Variants in AGFG1 observed in about 807,000 individuals in gnomAD.
The protein encoded by AGFG1 is ArfGAP with FG repeats 1.
A neutral mutation model predicts 60.6 loss-of-function variants in AGFG1; 10 were observed. The observed-to-expected ratio is 0.16, with a 90% CI of 0.10 to 0.28. The LOEUF is 0.28. Ranked by LOEUF, AGFG1 falls within the 10% of genes least tolerant of loss-of-function variation. The pLI is 1.00. For missense variants in AGFG1, 537 were observed against 676.5 expected, an observed-to-expected ratio of 0.79 and a Z score of 2.29; for synonymous variants, 247 against 242.9, an observed-to-expected ratio of 1.02 and a Z score of -0.16.
intron 1 of AGFG1, among the ~76,000 whole-genome samples, chr2:227,489,370 C>T (rs189571645): frequency 1.2e-3 from 183 of 150,820 alleles, no homozygotes; most frequent in African/African-American, 3.9e-3. Context: ...AGCTGGCAAG[C>T]GCCACCACAC....
rs374189435 is a variant in AGFG1, at chr2:227,523,772, G to A, written c.387G>A (p.Pro129=). The A allele has an allele frequency of 4.3e-6, 7 of 1,610,068 alleles. No individual in the cohort carries two copies. The highest frequency in any genetic ancestry group is 4.0e-5 in the African/African-American group (3 of 74,728). ...TTTTTACATGTTTTAGGTATGTCCC[G>A]CCAGAACAAGCCAAAGTCGTGGCAT... ...EKYEKKRWYV[P]PEQAKVVASV... is the part of the protein sequence containing the mutation. Residue 129 remains proline (P), a synonymous_variant, in exon 4 of 13, where the codon CCG becomes CCA. Coordinates refer to ENST00000310078, the MANE Select transcript of AGFG1 (RefSeq NM_004504.5).
In AGFG1 at chr2:227,490,816, G is replaced by A. The variant is rs146762199; in HGVS notation, c.168-731G>A. ...CATTTCCACTCGGTTTTTCATGTGC[G>A]TGTTCAAACATCAAGGTAAAGTCCT... On this transcript the variant is annotated intron_variant, in intron 1 of 12. Coordinates refer to ENST00000310078, the MANE Select transcript of AGFG1 (RefSeq NM_004504.5). 1.5e-3 allele frequency among the ~76,000 whole-genome samples: 225 copies of A among 152,214 alleles called. 3 individuals are homozygous for A. The highest frequency in any genetic ancestry group is 5.1e-3 in the African/African-American group (210 of 41,506).
intron 3 of AGFG1, among the ~76,000 whole-genome samples, chr2:227,521,429 C>T (rs935750461): frequency 2.6e-5 from 4 of 152,106 alleles, no homozygotes; most frequent in Non-Finnish European, 1.5e-5. Flanking sequence ...TACTAGAAGA[C>T]ATCAAGTATG....
At chr2:227,485,428 A>G (rs540545935) in intron 1 of AGFG1, among the ~76,000 whole-genome samples, 1 of 145,524 alleles carries the variant, frequency 6.9e-6, no homozygotes, top group East Asian at 2.0e-4. Flanking sequence ...TTTTTCCAGT[A>G]GAGATGGGGT....
chr2:227,492,123 G>C (rs1334810656), intron 2 of AGFG1, among the ~76,000 whole-genome samples: 1 of 152,112 alleles, frequency 6.6e-6, no homozygotes, highest in Non-Finnish European at 1.5e-5. Flanking sequence ...CTCAGTGGCA[G>C]CTAAGTGTCA....
rs762811492 is a variant in AGFG1, at chr2:227,552,020, C to T, written c.1440C>T (p.Tyr480=). 3 of 1,614,210 alleles carry T rather than the reference C, an allele frequency of 1.9e-6. No individual in the cohort carries two copies. Among genetic ancestry groups the T allele is most frequent in the Non-Finnish European group, 2.5e-6 (3 of 1,180,032 alleles). ...CAGGATTCGGCACTCCTGCTCCCTA[C>T]AGTCTTCCCACCAGCTTTAGTGGCA... ...MPTGFGTPAP[Y]SLPTSFSGSF... The change falls in exon 11 of 13, where the codon TAC becomes TAT. Residue 480 remains tyrosine, a synonymous_variant. Transcript: ENST00000310078.
chr2:227,543,432 C>T (rs932205390), intron 10 of AGFG1, among the ~76,000 whole-genome samples: 2 of 152,126 alleles, frequency 1.3e-5, no homozygotes, highest in African/African-American at 2.4e-5. Context: ...CATTCAGGAG[C>T]AGGTTGTTCA....
At chr2:227,472,633 G>A (rs753849515) in intron 1 of AGFG1, 45 bp downstream of exon 1, 77 of 1,539,352 alleles carry the variant, frequency 5.0e-5, no homozygotes, top group Non-Finnish European at 6.3e-5. Flanking sequence ...TTCCCGGGAG[G>A]TGGGGGAGCG....
chr2:227,530,496 C>G (rs1370941464), intron 5 of AGFG1, among the ~76,000 whole-genome samples: 1 of 151,894 alleles, frequency 6.6e-6, no homozygotes, highest in Admixed American at 6.6e-5. Flanking sequence ...TTCATTGTTT[C>G]TTAAATTTTA....
At chr2:227,534,490 C>T (rs140415854) in intron 7 of AGFG1, among the ~76,000 whole-genome samples, 2 of 152,234 alleles carry the variant, frequency 1.3e-5, no homozygotes, top group African/African-American at 4.8e-5. Flanking sequence ...ATAGACTGTT[C>T]ACATTAGGTC....
At chr2:227,495,617 G>A (rs1690949521) in intron 2 of AGFG1, among the ~76,000 whole-genome samples, 2 of 151,858 alleles carry the variant, frequency 1.3e-5, no homozygotes, top group African/African-American at 4.8e-5. Flanking sequence ...GCAAATTATG[G>A]TTTTCTAGTT....
intron 3 of AGFG1, among the ~76,000 whole-genome samples, chr2:227,522,289 G>C (rs990774037): frequency 6.6e-6 from 1 of 152,204 alleles, no homozygotes; most frequent in Non-Finnish European, 1.5e-5. Flanking sequence ...ACTTTGCCAG[G>C]TGAGTCTTTT....
intron 1 of AGFG1, among the ~76,000 whole-genome samples, chr2:227,486,555 C>T (rs1030106771): frequency 1.3e-5 from 2 of 151,944 alleles, no homozygotes; most frequent in Non-Finnish European, 2.9e-5. Context: ...TGGACACTTT[C>T]CTTAGTCTGT....
rs751014599 is a variant in AGFG1 at position 227,524,842 on chromosome 2, C to G, written c.621C>G (p.Ile207Met). 3.1e-6 allele frequency: 5 copies of G among 1,614,040 alleles called. No individual in the cohort carries two copies. In the African/African-American group the frequency reaches 6.7e-5, roughly 22 times the overall value. The change falls in exon 5 of 13, where the codon ATC becomes ATG. Residue 207 changes from isoleucine to methionine, a missense_variant. Ile to Met is a conservative substitution (Grantham distance 10). This residue lies in a region of AGFG1 where 102 missense variants were observed against 82.9 expected (regional missense o/e 1.23). Coordinates refer to ENST00000310078, the MANE Select transcript of AGFG1 (RefSeq NM_004504.5). ...TTTTAAGTGATCTCGGCTCAGACAT[C>G]TTTGCTGCTCCAGCTCCTCAGTCAA... ...FDLLSDLGSD[I>M]FAAPAPQSTA...
At chr2:227,548,214 G>A (rs746297059) in intron 10 of AGFG1, among the ~76,000 whole-genome samples, 3 of 152,174 alleles carry the variant, frequency 2.0e-5, no homozygotes, top group Non-Finnish European at 2.9e-5. Flanking sequence ...ACAGCTGATA[G>A]GTATCACATT....
chr2:227,520,371 C>T (rs577193272), intron 3 of AGFG1, among the ~76,000 whole-genome samples: 13 of 152,082 alleles, frequency 8.5e-5, no homozygotes, highest in Non-Finnish European at 1.3e-4. Context: ...ACAAAGCCTC[C>T]GTTCTTAAAA....
chr2:227,527,146 G>T (rs555198325), intron 5 of AGFG1, among the ~76,000 whole-genome samples: 7 of 152,160 alleles, frequency 4.6e-5, no homozygotes, highest in Non-Finnish European at 1.0e-4. Flanking sequence ...CTTTGGAGTT[G>T]GGACAACCTG....
chr2:227,540,738 AT>A (rs1224363602), intron 10 of AGFG1, among the ~76,000 whole-genome samples: 1 of 152,194 alleles, frequency 6.6e-6, no homozygotes, highest in Non-Finnish European at 1.5e-5. Context: ...GTCAAATGGT[AT>A]TTCTAGTTCT....
At chr2:227,483,201 T>C (rs1490969418) in intron 1 of AGFG1, among the ~76,000 whole-genome samples, 1 of 152,138 alleles carries the variant, frequency 6.6e-6, no homozygotes, top group African/African-American at 2.4e-5. Context: ...TGACCTCAGG[T>C]TCACATCTTA....
Sources: gnomAD v4.1 joint callset for allele counts (sites outside exome capture counted in the v4.1 genomes callset) on GRCh38, gnomAD v4.1.1 for gene constraint, gnomAD v4.1.1 regional missense constraint, MANE v1.5 for transcripts, NCBI Gene and HGNC (gene_info 2026-07-23, HGNC 2026-07-21) for gene names.